Variants in IPO11 observed in about 807,000 individuals in gnomAD.
IPO11 encodes the protein importin 11, also known as importin-11.
Under a neutral mutation model 143.2 loss-of-function variants are expected in IPO11, and 66 were observed. The ratio of observed to expected loss-of-function variants is 0.46; its 90% CI spans 0.38 to 0.57. The LOEUF is 0.57. Among genes scored for constraint, IPO11 ranks in the 20% least tolerant of loss-of-function variants. The probability of loss-of-function intolerance (pLI) is 0.00; values close to 1 mark genes in which losing one functional copy is unlikely to be tolerated. For synonymous variants in IPO11, 385 were observed against 377.8 expected (o/e 1.02, Z -0.22); for missense variants, 1,026 against 1,141.0 (o/e 0.90, Z 1.45).
intron 24 of IPO11, among the ~76,000 whole-genome samples, chr5:62,546,640 G>A (rs1331567657): frequency 2.6e-5 from 4 of 151,880 alleles, no homozygotes; most frequent in Non-Finnish European, 4.4e-5. Flanking sequence ...GGTGTATTTC[G>A]AAAGGGAATG....
intron 29 of IPO11, among the ~76,000 whole-genome samples, chr5:62,625,109 G>A (rs1348936965): frequency 1.3e-5 from 2 of 151,978 alleles, no homozygotes; most frequent in Non-Finnish European, 2.9e-5. Flanking sequence ...AATGACATAT[G>A]CCACATAACA....
chr5:62,623,902 C>T (rs1369511454), intron 29 of IPO11, among the ~76,000 whole-genome samples: 3 of 151,952 alleles, frequency 2.0e-5, no homozygotes, highest in African/African-American at 4.8e-5. Flanking sequence ...GGATTACAGG[C>T]GTGAGCCACA....
chr5:62,435,084 G>GTGTATATATGTATATATGTATATATGTA (rs1744129908), intron 1 of IPO11, among the ~76,000 whole-genome samples: 1 of 51,714 alleles, frequency 1.9e-5, no homozygotes, highest in African/African-American at 7.2e-5. Context: ...ATATATATGT[G>GTGTATATATGTATATATGTATATATGTA]TATATATGTA....
chr5:62,506,183 G>A (rs1003786623), intron 18 of IPO11, 58 bp from the exon 19 acceptor site: 6 of 856,052 alleles, frequency 7.0e-6, no homozygotes, highest in African/African-American at 5.0e-5. Flanking sequence ...TCGTATGAAT[G>A]TAGAGGTCTT....
chr5:62,532,482 C>T lies in IPO11; in HGVS notation c.2089+1697C>T, dbSNP rs370697058. On this transcript the variant is annotated intron_variant, in intron 22 of 29. Coordinates refer to ENST00000325324, the MANE Select transcript of IPO11 (RefSeq NM_016338.5). ...AAGCAATTCTTCTGCCTCAGCCTCC[C>T]GAGTAGCTGGGACTACAGGCATGTG... Among the ~76,000 whole-genome samples the T allele has an allele frequency of 6.6e-5, 10 of 152,188 alleles. No individual in the cohort carries two copies. In the East Asian group the frequency reaches 1.2e-3, roughly 18 times the overall value.
chr5:62,624,029 G>T (rs1008574981), intron 29 of IPO11, among the ~76,000 whole-genome samples: 1 of 148,134 alleles, frequency 6.8e-6, no homozygotes, highest in Non-Finnish European at 1.5e-5. Context: ...TCCCCCCACC[G>T]TTTTTTTTGT....
At chr5:62,439,486 A>G (rs1397054033) in intron 2 of IPO11, among the ~76,000 whole-genome samples, 1 of 151,472 alleles carries the variant, frequency 6.6e-6, no homozygotes, top group African/African-American at 2.4e-5. Flanking sequence ...ATGGGGTTTC[A>G]CCGTGTTAGC....
chr5:62,463,133 C>G (rs1745432011), intron 5 of IPO11, among the ~76,000 whole-genome samples: 1 of 152,076 alleles, frequency 6.6e-6, no homozygotes, highest in South Asian at 2.1e-4. Flanking sequence ...CCCTGAACTC[C>G]TGGGTTCAAA....
At chr5:62,488,276 TGTACACAA>T (rs1746482749) in intron 13 of IPO11, among the ~76,000 whole-genome samples, 1 of 152,264 alleles carries the variant, frequency 6.6e-6, no homozygotes, top group South Asian at 2.1e-4. Context: ...CATTACACTT[TGTACACAA>T]GTAACTAATT....
chr5:62,469,679 T>C (rs1217271555), intron 6 of IPO11, among the ~76,000 whole-genome samples: 1 of 152,178 alleles, frequency 6.6e-6, no homozygotes, highest in Non-Finnish European at 1.5e-5. Context: ...GTATTACAAC[T>C]GTAGACAATA....
chr5:62,481,218 G>A (rs1746199034), intron 9 of IPO11, among the ~76,000 whole-genome samples: 2 of 152,096 alleles, frequency 1.3e-5, no homozygotes, highest in African/African-American at 4.8e-5. Context: ...GCGCCTGGCC[G>A]ACTTCCTCTT....
At chr5:62,482,863 T>G (rs1746261369) in intron 9 of IPO11, among the ~76,000 whole-genome samples, 1 of 152,162 alleles carries the variant, frequency 6.6e-6, no homozygotes, top group Admixed American at 6.5e-5. Flanking sequence ...GAGTCTGTTT[T>G]GGTTTCTGTA....
chr5:62,435,102 A>ATATATATGTATATATGTATATATATG (rs1744137296), intron 1 of IPO11, among the ~76,000 whole-genome samples: 1 of 67,172 alleles, frequency 1.5e-5, no homozygotes. Flanking sequence ...GTATATATGT[A>ATATATATGTATATATGTATATATATG]TATATATGTA....
intron 19 of IPO11, among the ~76,000 whole-genome samples, chr5:62,514,848 A>G (rs934203418): frequency 6.6e-6 from 1 of 152,208 alleles, no homozygotes; most frequent in Admixed American, 6.5e-5. Context: ...TAGCAATTTT[A>G]TCCTTTGAAA....
In IPO11 at chr5:62,436,484, C is replaced by T. The variant is rs144240226; in HGVS notation, c.-6-790C>T. On this transcript the variant is annotated intron_variant, in intron 1 of 29. Transcript: ENST00000325324. ...TCAATTTTAATCCTTATATTTTGTA[C>T]GTGTATATTGTGAATAACTATACAT... Among the ~76,000 whole-genome samples, 6 of 152,202 alleles carry T rather than the reference C, an allele frequency of 3.9e-5. No homozygotes were observed. The East Asian group carries it at 9.6e-4, about 24-fold the overall frequency.
intron 27 of IPO11, among the ~76,000 whole-genome samples, chr5:62,569,284 G>A (rs1328720566): frequency 6.6e-6 from 1 of 152,188 alleles, no homozygotes; most frequent in Non-Finnish European, 1.5e-5. Context: ...ATGAAAGACT[G>A]TTCTTTCTTC....
chr5:62,614,552 G>T (rs1212352391), intron 29 of IPO11, among the ~76,000 whole-genome samples: 1 of 152,140 alleles, frequency 6.6e-6, no homozygotes, highest in Non-Finnish European at 1.5e-5. Flanking sequence ...CGCAGGATAT[G>T]CGACAGGGGT....
intron 27 of IPO11, among the ~76,000 whole-genome samples, chr5:62,581,871 G>C (rs550013072): frequency 6.6e-6 from 1 of 152,284 alleles, no homozygotes; most frequent in African/African-American, 2.4e-5. Flanking sequence ...GTGGAGGTGA[G>C]AGATGGCTTT....
chr5:62,566,729 C>T lies in IPO11; in HGVS notation c.2582+5472C>T, dbSNP rs143955827. On this transcript the variant is annotated intron_variant, in intron 27 of 29. Coordinates refer to ENST00000325324, the MANE Select transcript of IPO11 (RefSeq NM_016338.5). ...CTCCAGCCTGGGTGACACAGTAAGA[C>T]TCTGTCTCAAAAAAAAAAAAAAAAG... 6.7e-3 allele frequency among the ~76,000 whole-genome samples: 964 copies of T among 143,582 alleles called. 19 individuals are homozygous for T. The highest frequency in any genetic ancestry group is 0.024 in the African/African-American group (921 of 38,010). The allele number at this position is 143,582 out of a possible 152,430, so 94.2% of individuals were successfully genotyped here. A position where few individuals can be genotyped will look rare whatever the true frequency, so the allele number is the denominator to read the frequency against.
Sources: allele counts gnomAD v4.1 joint callset (sites outside exome capture counted in the v4.1 genomes callset), GRCh38; gene constraint gnomAD v4.1.1; transcripts MANE v1.5; gene names NCBI Gene and HGNC (gene_info 2026-07-23, HGNC 2026-07-21).